The following MYOCD variants were observed in gnomAD, a reference collection of about 807,000 sequenced individuals.
The protein encoded by MYOCD is myocardin.
In MYOCD, 32 loss-of-function variants were observed where a neutral mutation model predicts 96.1. The observed-to-expected ratio is 0.33, with a 90% confidence interval of 0.25 to 0.45. The LOEUF is 0.45. MYOCD is among the 20% of genes least tolerant of loss of function. The pLI, the probability that MYOCD is intolerant of heterozygous loss-of-function variation, is 1.00. For synonymous variants in MYOCD, 469 were observed against 469.0 expected (o/e 1.00, Z 0.00); for missense variants, 1,133 against 1,200.6 (o/e 0.94, Z 0.83).
Position 12,763,144 on chromosome 17 carries a change from A to C in MYOCD, c.2461A>C (p.Ser821Arg). 1 of 1,614,166 alleles carries C rather than the reference A, an allele frequency of 6.2e-7. No homozygotes were observed. Among genetic ancestry groups the C allele is most frequent in the Non-Finnish European group, 8.5e-7 (1 of 1,180,028 alleles). Residue 821 changes from serine to arginine, a missense_variant, in exon 14 of 14, where the codon AGT (serine) becomes CGT (arginine). By Grantham distance (110) the Ser-to-Arg change is moderately radical. Coordinates refer to ENST00000425538, the MANE Select transcript of MYOCD (RefSeq NM_001146312.3). ...KVPKIPRSSRSPTAVLTKPSA... is the reference protein window; with the variant it reads ...KVPKIPRSSRRPTAVLTKPSA... ...CCCAAAGATACCCAGATCTTCCCGAAGTCCAACTGCTGTCCTCACCAAGCC... is the reference window on the plus strand; with the variant it reads ...CCCAAAGATACCCAGATCTTCCCGACGTCCAACTGCTGTCCTCACCAAGCC...
intron 2 of MYOCD, among the ~76,000 whole-genome samples, chr17:12,714,717 G>A (rs779911885): frequency 2.6e-5 from 4 of 152,162 alleles, no homozygotes; most frequent in African/African-American, 4.8e-5. Context: ...ATGAGGAGGA[G>A]GTCATGGGAA....
chr17:12,757,157 T>C (rs1486087421), intron 11 of MYOCD, among the ~76,000 whole-genome samples: 2 of 152,056 alleles, frequency 1.3e-5, no homozygotes, highest in African/African-American at 4.8e-5. Flanking sequence ...CAGTGCAATA[T>C]CTTTATGGAA....
At chr17:12,742,728 G>A (rs1368164257) in intron 7 of MYOCD, among the ~76,000 whole-genome samples, 3 of 151,750 alleles carry the variant, frequency 2.0e-5, no homozygotes, top group Non-Finnish European at 4.4e-5. Flanking sequence ...CTACCACCAA[G>A]CCCAGCTAAT....
intron 1 of MYOCD, among the ~76,000 whole-genome samples, chr17:12,675,080 G>C (rs1479557802): frequency 6.6e-6 from 1 of 152,060 alleles, no homozygotes; most frequent in Non-Finnish European, 1.5e-5. Flanking sequence ...AAGATTTAAA[G>C]CAAACAACCT....
At chr17:12,724,794 G>A (rs1276088204) in intron 5 of MYOCD, among the ~76,000 whole-genome samples, 2 of 151,900 alleles carry the variant, frequency 1.3e-5, no homozygotes, top group Non-Finnish European at 2.9e-5. Context: ...TACAATTTGT[G>A]TTAATATCTG....
At chr17:12,743,692 C>T (rs932275639) in intron 7 of MYOCD, among the ~76,000 whole-genome samples, 5 of 151,952 alleles carry the variant, frequency 3.3e-5, no homozygotes, top group East Asian at 1.9e-4. Context: ...GGGGTTTCAC[C>T]GTGTTGGTCA....
chr17:12,765,652 G>T lies in MYOCD; in HGVS notation c.*2008G>T, dbSNP rs1048978239. On this transcript the variant is annotated 3_prime_UTR_variant, in exon 14 of 14. Transcript: ENST00000425538. ...ACCAAAAGCCTTTAACCCTTAATCT[G>T]CTGTGAATGATACCTGGCCTTTCTC... The T allele has an allele frequency of 6.6e-6, 1 of 152,208 alleles. No individual in the cohort carries two copies. The highest frequency in any genetic ancestry group is 1.5e-5 in the Non-Finnish European group (1 of 68,050). The allele number at this position is 152,208 out of a possible 1,614,324, so 9.4% of individuals were successfully genotyped here.
intron 7 of MYOCD, among the ~76,000 whole-genome samples, chr17:12,743,526 CT>C (rs374592302): frequency 1.8e-5 from 2 of 113,412 alleles, no homozygotes; most frequent in African/African-American, 6.9e-5. Context: ...GAGTTTCGCT[CT>C]TGTTGCCCAG....
chr17:12,722,423 A>T (rs957811380), intron 4 of MYOCD, among the ~76,000 whole-genome samples: 1 of 152,210 alleles, frequency 6.6e-6, no homozygotes, highest in South Asian at 2.1e-4. Context: ...ACTAGTCCAA[A>T]ATCCTTTAAA....
At chr17:12,757,188 C>T (rs1395621319) in intron 11 of MYOCD, among the ~76,000 whole-genome samples, 2 of 152,084 alleles carry the variant, frequency 1.3e-5, no homozygotes, top group African/African-American at 4.8e-5. Flanking sequence ...TATCACCCTT[C>T]AGCTGGTGGA....
chr17:12,697,359 A>ATATTT, intron 1 of MYOCD, among the ~76,000 whole-genome samples: 1 of 75,738 alleles, frequency 1.3e-5, no homozygotes, highest in Non-Finnish European at 2.3e-5. Context: ...ATATATATAT[A>ATATTT]TTTTTTTTTT....
chr17:12,716,985 CAAAAAAAAAAAAAAAAAAAAA>C lies in MYOCD; in HGVS notation c.178-346_178-326del, dbSNP rs56992216. Among the ~76,000 whole-genome samples the C allele has an allele frequency of 2.3e-3, 260 of 112,924 alleles. 3 individuals carry two copies. The highest frequency in any genetic ancestry group is 0.011 in the East Asian group (45 of 3,922). 74.1% of individuals were successfully genotyped at this position (112,924 alleles called of 152,430 possible). ...AGCCTGGATGACAGAGATGCTGTCTCAAAAAAAAAAAAAAAAAAAAAAAAAAAAAAAAAAAGGCAATGGAAT... is the reference window on the plus strand; with the variant it reads ...AGCCTGGATGACAGAGATGCTGTCTCAAAAAAAAAAAAAAGGCAATGGAAT... On this transcript the variant is annotated intron_variant, in intron 3 of 13. Transcript: ENST00000425538.
intron 6 of MYOCD, among the ~76,000 whole-genome samples, chr17:12,738,092 A>G (rs1284372910): frequency 1.3e-5 from 2 of 152,214 alleles, no homozygotes; most frequent in African/African-American, 4.8e-5. Context: ...AGGAAAAGGC[A>G]AGTTCTTTTC....
At chr17:12,745,377 T>C (rs1463054049) in intron 8 of MYOCD, among the ~76,000 whole-genome samples, 1 of 151,830 alleles carries the variant, frequency 6.6e-6, no homozygotes, top group East Asian at 1.9e-4. Context: ...GCCCGGCTAA[T>C]TTTGTATTTT....
intron 4 of MYOCD, among the ~76,000 whole-genome samples, chr17:12,720,080 C>G (rs1205847640): frequency 1.3e-5 from 2 of 151,920 alleles, no homozygotes; most frequent in Non-Finnish European, 2.9e-5. Context: ...CGCTCTTTTC[C>G]TTGTCACCAC....
At chr17:12,740,094 C>A (rs981474488) in intron 7 of MYOCD, among the ~76,000 whole-genome samples, 25 of 152,116 alleles carry the variant, frequency 1.6e-4, no homozygotes, top group Non-Finnish European at 3.7e-4. Flanking sequence ...CGCCACCATG[C>A]CCGGCTAATT....
chr17:12,760,643 G>A lies in MYOCD; in HGVS notation c.2332-7G>A. On this transcript the variant is annotated splice_polypyrimidine_tract_variant and splice_region_variant and intron_variant, in intron 12 of 13. Coordinates refer to ENST00000425538, the MANE Select transcript of MYOCD (RefSeq NM_001146312.3). The stretch of plus-strand genomic sequence containing the variant: ...TTGTCTGTCCTCCTTTGGTTAATTT[G>A]TAATAGCAAATGACCCGGAGTCAGC... The A allele has an allele frequency of 6.2e-7, 1 of 1,613,280 alleles. No individual in the cohort carries two copies. The highest frequency in any genetic ancestry group is 8.5e-7 in the Non-Finnish European group (1 of 1,179,276).
chr17:12,700,175 C>G (rs555050603), intron 1 of MYOCD, among the ~76,000 whole-genome samples: 172 of 152,010 alleles, frequency 1.1e-3, no homozygotes, highest in African/African-American at 3.7e-3. Context: ...TCCCAAAATG[C>G]TGGGATTACA....
At chr17:12,715,194 C>G (rs2031601039) in intron 2 of MYOCD, among the ~76,000 whole-genome samples, 1 of 152,148 alleles carries the variant, frequency 6.6e-6, no homozygotes, top group Admixed American at 6.6e-5. Flanking sequence ...CTCCCTCAAA[C>G]CAGAGCGTTA....
Sources: gnomAD v4.1 joint callset for allele counts (sites outside exome capture counted in the v4.1 genomes callset) on GRCh38, gnomAD v4.1.1 for gene constraint, MANE v1.5 for transcripts, NCBI Gene and HGNC (gene_info 2026-07-23, HGNC 2026-07-21) for gene names.